The following LOC112694756 variants were observed in gnomAD, a reference collection of about 807,000 sequenced individuals.
the LOC112694756 span, chr16:30,066,741 T>C: frequency 1.1e-6 from 1 of 876,580 alleles, no homozygotes; most frequent in Non-Finnish European, 1.7e-6. Context: ...TGGGTTCTAA[T>C]CTCAGATCTG....
At chr16:30,056,096 C>T in the LOC112694756 span, among the ~76,000 whole-genome samples, 2 of 148,702 alleles carry the variant, frequency 1.3e-5, no homozygotes, top group Non-Finnish European at 3.0e-5. Context: ...CCACCATGGC[C>T]CAGCCATGGT....
the LOC112694756 span, chr16:30,070,214 C>A: frequency 6.2e-7 from 1 of 1,614,074 alleles, no homozygotes; most frequent in Non-Finnish European, 8.5e-7. Context: ...GCCTATTAAG[C>A]GGAGGTGTTC....
At chr16:30,068,129 C>T in the LOC112694756 span, 19,602 of 246,674 alleles carry the variant, frequency 0.079, 1,191 homozygotes, top group African/African-American at 0.2. Context: ...GTGGTGCGAT[C>T]TCTTGGCTCA....
chr16:30,054,514 G>A, the LOC112694756 span: 12 of 293,466 alleles, frequency 4.1e-5, no homozygotes, highest in African/African-American at 2.6e-4. Flanking sequence ...TCAGAGACAA[G>A]AGATCTCTTT....
At chr16:30,054,626 G>A in the LOC112694756 span, 2 of 396,182 alleles carry the variant, frequency 5.0e-6, no homozygotes, top group African/African-American at 4.1e-5. Flanking sequence ...GCAGGCTCAG[G>A]GCACAAGATA....
At chr16:30,069,870 G>C in the LOC112694756 span, 1 of 1,614,116 alleles carries the variant, frequency 6.2e-7, no homozygotes, top group South Asian at 1.1e-5. Context: ...AGGAGGAGGC[G>C]TCCATCAACC....
the LOC112694756 span, chr16:30,065,949 CG>C: frequency 6.5e-6 from 1 of 152,998 alleles, no homozygotes; most frequent in Non-Finnish European, 1.5e-5. Context: ...TCTTCACGTG[CG>C]GGGACCAGGG....
the LOC112694756 span, among the ~76,000 whole-genome samples, chr16:30,063,417 C>T: frequency 2.6e-5 from 4 of 152,072 alleles, no homozygotes; most frequent in Admixed American, 6.6e-5. Flanking sequence ...AGCTTGACAC[C>T]GGGAGGCCCA....
the LOC112694756 span, chr16:30,067,323 C>T: frequency 1.9e-6 from 3 of 1,613,490 alleles, no homozygotes; most frequent in African/African-American, 1.3e-5. Flanking sequence ...CTCACCGCAT[C>T]GTGGCACCTG....
the LOC112694756 span, chr16:30,059,157 C>G: frequency 8.1e-5 from 32 of 393,692 alleles, no homozygotes; most frequent in Non-Finnish European, 4.5e-5. Context: ...GATTCTGATG[C>G]ACACAGGTTA....
At chr16:30,067,669 G>A in the LOC112694756 span, 1 of 1,614,082 alleles carries the variant, frequency 6.2e-7, no homozygotes, top group Non-Finnish European at 8.5e-7. Context: ...AAGGTAAGGG[G>A]AGGGCCTCCG....
chr16:30,062,732 T>C, the LOC112694756 span, among the ~76,000 whole-genome samples: 1 of 151,766 alleles, frequency 6.6e-6, no homozygotes, highest in Non-Finnish European at 1.5e-5. Flanking sequence ...TCCCACCTAC[T>C]TGGGAGGCTG....
the LOC112694756 span, chr16:30,063,659 C>G: frequency 2.5e-6 from 1 of 398,992 alleles, no homozygotes; most frequent in Non-Finnish European, 4.4e-6. Flanking sequence ...CTCTCTGTTC[C>G]CTTCTCCCCT....
chr16:30,069,179 A>G, the LOC112694756 span: 3 of 1,357,096 alleles, frequency 2.2e-6, no homozygotes, highest in African/African-American at 1.4e-5. Flanking sequence ...GTCTCCTGTA[A>G]TCTGAGGGCT....
the LOC112694756 span, chr16:30,069,068 C>T: frequency 6.3e-7 from 1 of 1,581,242 alleles, no homozygotes. Context: ...ATGCCTACCT[C>T]CCCAAAAGCA....
At chr16:30,059,535 T>C in the LOC112694756 span, among the ~76,000 whole-genome samples, 783 of 127,520 alleles carry the variant, frequency 6.1e-3, 4 homozygotes, top group African/African-American at 0.024. Flanking sequence ...TCTCTCTTTC[T>C]TTTTTTTTTT....
the LOC112694756 span, chr16:30,069,929 T>C: frequency 1.2e-6 from 2 of 1,614,002 alleles, no homozygotes; most frequent in Non-Finnish European, 1.7e-6. Flanking sequence ...GCCCTGACCT[T>C]CTCCTACGGC....
the LOC112694756 span, chr16:30,064,723 C>A: frequency 3.6e-6 from 1 of 275,798 alleles, no homozygotes; most frequent in Non-Finnish European, 6.7e-6. Context: ...ATAACCAGCC[C>A]GGGAACCCCT....
chr16:30,068,828 G>T, the LOC112694756 span: 1 of 1,614,226 alleles, frequency 6.2e-7, no homozygotes, highest in Non-Finnish European at 8.5e-7. Flanking sequence ...GGTTGGATGG[G>T]CTGTCTGAGC....
Sources: allele counts gnomAD v4.1 joint callset (sites outside exome capture counted in the v4.1 genomes callset), GRCh38; gene constraint gnomAD v4.1.1; transcripts MANE v1.5.